LRRC4C: variants seen among roughly 807,000 people sequenced by gnomAD.
LRRC4C encodes leucine-rich repeat-containing protein 4C.
LRRC4C carries 5 observed loss-of-function variants against 33.6 expected under a neutral mutation model. The ratio of observed to expected loss-of-function variants is 0.15; its 90% confidence interval spans 0.08 to 0.31. The LOEUF is 0.31. Among genes scored for constraint, LRRC4C ranks in the 10% least tolerant of loss-of-function variants. The probability of loss-of-function intolerance (pLI) is 1.00; values close to 1 mark genes in which losing one functional copy is unlikely to be tolerated. For synonymous variants in LRRC4C, 329 were observed against 302.0 expected (o/e 1.09, Z -0.93); for missense variants, 560 against 796.7 (o/e 0.70, Z 3.58).
At chr11:40,458,358 C>A (rs577356157) in intron 3 of LRRC4C, among the ~76,000 whole-genome samples, 49 of 152,276 alleles carry the variant, frequency 3.2e-4, no homozygotes, top group African/African-American at 1.2e-3. Flanking sequence ...TCCTGTAATT[C>A]TGTGAGGCAA....
chr11:41,359,157 A>G (rs561192829), intron 1 of LRRC4C, among the ~76,000 whole-genome samples: 3 of 152,258 alleles, frequency 2.0e-5, no homozygotes, highest in Admixed American at 2.0e-4. Context: ...TATAGGAACA[A>G]TTAAAAAAAT....
At chr11:40,424,459 C>A (rs1208010364) in intron 3 of LRRC4C, among the ~76,000 whole-genome samples, 10 of 152,110 alleles carry the variant, frequency 6.6e-5, no homozygotes, top group Non-Finnish European at 1.5e-4. Context: ...AATTGTTTTG[C>A]AGTTATTTCT....
At chr11:41,386,504 T>C (rs999457272) in intron 1 of LRRC4C, among the ~76,000 whole-genome samples, 1 of 151,766 alleles carries the variant, frequency 6.6e-6, no homozygotes. Flanking sequence ...AGATTTCCAC[T>C]GGTGTCCTTT....
At chr11:40,708,381 T>G (rs539875150) in intron 2 of LRRC4C, among the ~76,000 whole-genome samples, 1 of 152,332 alleles carries the variant, frequency 6.6e-6, no homozygotes, top group African/African-American at 2.4e-5. Context: ...CACACTGCTT[T>G]AAATGTGTCC....
At chr11:40,605,761 A>C (rs979704846) in intron 3 of LRRC4C, among the ~76,000 whole-genome samples, 1 of 152,176 alleles carries the variant, frequency 6.6e-6, no homozygotes, top group African/African-American at 2.4e-5. Context: ...CAAAAGCAAT[A>C]GTTTGAACTA....
intron 2 of LRRC4C, among the ~76,000 whole-genome samples, chr11:40,760,258 T>G (rs1949142796): frequency 6.6e-6 from 1 of 152,058 alleles, no homozygotes; most frequent in Non-Finnish European, 1.5e-5. Context: ...CAGATATCAG[T>G]ATCCATAACA....
At chr11:40,343,666 A>C (rs1434887780) in intron 3 of LRRC4C, among the ~76,000 whole-genome samples, 3 of 69,578 alleles carry the variant, frequency 4.3e-5, no homozygotes, top group Non-Finnish European at 9.4e-5. Context: ...ATTCTAGACA[A>C]AAAAAAACTT....
intron 1 of LRRC4C, among the ~76,000 whole-genome samples, chr11:41,092,921 A>G (rs891123864): frequency 2.6e-5 from 4 of 152,248 alleles, no homozygotes; most frequent in African/African-American, 9.6e-5. Flanking sequence ...ATAAAGAGAA[A>G]TGAGCAGTAT....
intron 4 of LRRC4C, among the ~76,000 whole-genome samples, chr11:40,250,565 A>C (rs2861893): frequency 0.89 from 135,272 of 151,690 alleles, 60,581 homozygotes; most frequent in South Asian, 0.97. Flanking sequence ...CATGGTGAAA[A>C]CCTGCCTCTA....
At chr11:41,092,019 T>C (rs1940459061) in intron 1 of LRRC4C, among the ~76,000 whole-genome samples, 1 of 152,152 alleles carries the variant, frequency 6.6e-6, no homozygotes, top group African/African-American at 2.4e-5. Context: ...ATAATTATAG[T>C]AGAAGCCCCT....
At chr11:41,361,332 G>A (rs1387425929) in intron 1 of LRRC4C, among the ~76,000 whole-genome samples, 2 of 152,116 alleles carry the variant, frequency 1.3e-5, no homozygotes, top group South Asian at 4.1e-4. Context: ...TCATTTTCTT[G>A]TAGGAGTTAC....
intron 3 of LRRC4C, among the ~76,000 whole-genome samples, chr11:40,337,912 A>G (rs967260609): frequency 3.9e-5 from 6 of 152,226 alleles, no homozygotes; most frequent in Middle Eastern, 3.4e-3. Context: ...GCTCCCACTT[A>G]TAAGTGAGAA....
chr11:40,755,937 C>T (rs1159803142), intron 2 of LRRC4C, among the ~76,000 whole-genome samples: 2 of 152,056 alleles, frequency 1.3e-5, no homozygotes, highest in Admixed American at 6.6e-5. Flanking sequence ...TTTAGCAATA[C>T]GGCCTTTAAA....
intron 2 of LRRC4C, among the ~76,000 whole-genome samples, chr11:40,857,946 AGAAAGGGAAAGG>A (rs59485681): frequency 1.3e-3 from 58 of 45,060 alleles, no homozygotes; most frequent in African/African-American, 2.6e-3. Context: ...AGGAAAGGAA[AGAAAGGGAAAGG>A]GAAAGGGAAA....
At chr11:40,606,690 A>C (rs1960643404) in intron 3 of LRRC4C, among the ~76,000 whole-genome samples, 1 of 152,166 alleles carries the variant, frequency 6.6e-6, no homozygotes, top group Non-Finnish European at 1.5e-5. Flanking sequence ...TATAAGAAAA[A>C]AATAAAATTT....
chr11:40,480,102 C>G (rs1198177733), intron 3 of LRRC4C, among the ~76,000 whole-genome samples: 1 of 152,008 alleles, frequency 6.6e-6, no homozygotes, highest in East Asian at 1.9e-4. Context: ...GGAAAGCCAC[C>G]CTCCATAAAA....
chr11:41,257,966 G>A lies in LRRC4C; in HGVS notation c.-496+201465C>T, dbSNP rs111903677. On this transcript the variant is annotated intron_variant, in intron 1 of 6. Transcript: ENST00000528697. ...ATCCATTTTTTCATGGTGTGTTTGC[G>A]TGCTTAAATTTTTTTATTATTTAGA... Among the ~76,000 whole-genome samples the A allele has an allele frequency of 4.3e-3, 660 of 151,760 alleles. 3 individuals carry two copies. The highest frequency in any genetic ancestry group is 0.014 in the African/African-American group (570 of 41,430).
intron 1 of LRRC4C, among the ~76,000 whole-genome samples, chr11:41,139,731 C>T (rs1246379667): frequency 6.6e-6 from 1 of 152,084 alleles, no homozygotes; most frequent in Admixed American, 6.6e-5. Flanking sequence ...GCAGTTGGAT[C>T]CCTTTCTTTA....
intron 5 of LRRC4C, among the ~76,000 whole-genome samples, chr11:40,162,557 A>G (rs925759222): frequency 6.6e-6 from 1 of 152,094 alleles, no homozygotes; most frequent in Non-Finnish European, 1.5e-5. Context: ...TCACTTGTAT[A>G]GTACTCTCCA....
Sources: gnomAD v4.1 joint callset for allele counts (sites outside exome capture counted in the v4.1 genomes callset) on GRCh38, gnomAD v4.1.1 for gene constraint, MANE v1.5 for transcripts, NCBI Gene and HGNC (gene_info 2026-07-23, HGNC 2026-07-21) for gene names.